RRBP1: variants seen among roughly 807,000 people sequenced by gnomAD.
RRBP1 encodes the protein ribosome binding protein 1.
A neutral mutation model predicts 165.2 loss-of-function variants in RRBP1; 94 were observed. The ratio of observed to expected loss-of-function variants is 0.57; its 90% CI spans 0.48 to 0.68. The LOEUF is 0.68. RRBP1 is among the 30% of genes least tolerant of loss of function. The pLI, the probability that RRBP1 is intolerant of heterozygous loss-of-function variation, is 0.00. For synonymous variants in RRBP1, 680 were observed against 714.5 expected, an observed-to-expected ratio of 0.95 and a Z score of 0.77; for missense variants, 1,676 against 1,763.0, an observed-to-expected ratio of 0.95 and a Z score of 0.88.
Position 17,627,576 on chromosome 20 carries a change from C to G in RRBP1, c.2856G>C (p.Gln952His). Residue 952 changes from glutamine to histidine, a missense_variant, in exon 10 of 25, where the codon CAG becomes CAC. This residue lies in a region of RRBP1 where 1,184 missense variants were observed against 1,167.1 expected (regional missense o/e 1.01). Coordinates refer to ENST00000377813, the MANE Select transcript of RRBP1 (RefSeq NM_001365613.2). Reference sequence around the variant, plus strand: ...CAATGGAACGGATTCTCTCTGTGAGCTGGGAGTTCTCCGCCCTGGCCTCCT... The same window carrying G: ...CAATGGAACGGATTCTCTCTGTGAGGTGGGAGTTCTCCGCCCTGGCCTCCT... ...QLQEARAENS[Q>H]LTERIRSIEA... The G allele has an allele frequency of 1.2e-6, 2 of 1,613,578 alleles. No individual in the cohort carries two copies. The highest frequency in any genetic ancestry group is 1.7e-6 in the Non-Finnish European group (2 of 1,179,958).
chr20:17,673,291 G>A (rs951950311), intron 2 of RRBP1, among the ~76,000 whole-genome samples: 2 of 152,202 alleles, frequency 1.3e-5, no homozygotes, highest in Non-Finnish European at 2.9e-5. Flanking sequence ...CAGACAGGAA[G>A]TAACTGAGGC....
Position 17,622,817 on chromosome 20 carries a change from CT to C in RRBP1, c.3148-871del. On this transcript the variant is annotated intron_variant, in intron 13 of 24. Coordinates refer to ENST00000377813, the MANE Select transcript of RRBP1 (RefSeq NM_001365613.2). Reference sequence around the variant, plus strand: ...CTGCCACCACCTGGACAGGCCTGGCCTAAGACCCAGGGAGGCCCCAGGAACT... The same window carrying C: ...CTGCCACCACCTGGACAGGCCTGGCCAAGACCCAGGGAGGCCCCAGGAACT... The C allele has an allele frequency of 2.0e-5, 3 of 152,364 alleles. No individual in the cohort carries two copies. The South Asian group carries it at 6.2e-4, about 32-fold the overall frequency. 9.4% of individuals were successfully genotyped at this position (152,364 alleles called of 1,614,324 possible). A position where few individuals can be genotyped will look rare whatever the true frequency, so the allele number is the denominator to read the frequency against.
In RRBP1 at chr20:17,641,868, T is replaced by C. The variant is rs1159609868; in HGVS notation, c.2113A>G (p.Lys705Glu). ...TGTTCTGTGGCCAGCAGTTTTTCCT[T>C]CTCTTCCAGCTGGCGTTTCAGAATC... ...VAILKRQLEE[K>E]EKLLATEQED... The change falls in exon 5 of 25, where the codon AAG becomes GAG. Residue 705 changes from lysine to glutamate, a missense_variant. Physicochemically the swap from Lys to Glu is moderately conservative, Grantham distance 56. Transcript: ENST00000377813. 1.9e-6 allele frequency: 3 copies of C among 1,614,078 alleles called. No individual in the cohort carries two copies. The highest frequency in any genetic ancestry group is 4.5e-5 in the East Asian group (2 of 44,880).
chr20:17,645,802 C>T (rs1165218783), intron 3 of RRBP1, among the ~76,000 whole-genome samples: 1 of 152,244 alleles, frequency 6.6e-6, no homozygotes, highest in African/African-American at 2.4e-5. Context: ...GTCTCTCAGA[C>T]TCAACACCTA....
chr20:17,633,337 G>T, intron 8 of RRBP1, 123 bp downstream of exon 8: 2 of 1,034,458 alleles, frequency 1.9e-6, no homozygotes, highest in Non-Finnish European at 2.8e-6. Flanking sequence ...ACCATCATCT[G>T]TCCCAGTCAA....
At chr20:17,622,446 C>T (rs996102920) in intron 13 of RRBP1, among the ~76,000 whole-genome samples, 10 of 151,966 alleles carry the variant, frequency 6.6e-5, no homozygotes, top group African/African-American at 1.9e-4. Context: ...GGCGGCACCA[C>T]GGTTAGGGGC....
chr20:17,614,922 CAGGA>C (rs752997930), intron 23 of RRBP1, 42 bp from the exon 24 acceptor site: 18 of 1,604,398 alleles, frequency 1.1e-5, no homozygotes, highest in Non-Finnish European at 1.3e-5. Context: ...CTTGCACCGG[CAGGA>C]GGGCCACCCC....
At chr20:17,680,969 G>A (rs1320296582) in intron 1 of RRBP1, among the ~76,000 whole-genome samples, 1 of 152,086 alleles carries the variant, frequency 6.6e-6, no homozygotes, top group African/African-American at 2.4e-5. Flanking sequence ...TCGCCAGCCG[G>A]GGCACTCTAG....
At chr20:17,627,948 A>T (rs778226308) in intron 9 of RRBP1, among the ~76,000 whole-genome samples, 2 of 152,184 alleles carry the variant, frequency 1.3e-5, no homozygotes, top group African/African-American at 4.8e-5. Flanking sequence ...AATGATAGAG[A>T]GTGGAAACGG....
At chr20:17,640,980 G>A (rs558424714) in intron 5 of RRBP1, among the ~76,000 whole-genome samples, 1 of 152,348 alleles carries the variant, frequency 6.6e-6, no homozygotes, top group African/African-American at 2.4e-5. Context: ...CAGGGAGGCA[G>A]GGAGAGGGCA....
chr20:17,639,076 T>C (rs895807510), intron 5 of RRBP1, among the ~76,000 whole-genome samples: 1 of 152,254 alleles, frequency 6.6e-6, no homozygotes, highest in African/African-American at 2.4e-5. Flanking sequence ...GTCCGAGGCA[T>C]GGCTTCAGGA....
At chr20:17,614,960 G>A (rs922423335) in intron 23 of RRBP1, 80 bp from the exon 24 acceptor site, 38 of 1,502,692 alleles carry the variant, frequency 2.5e-5, no homozygotes, top group African/African-American at 2.4e-4. Flanking sequence ...GGACCCTGAC[G>A]CCAGGGGCTG....
intron 3 of RRBP1, among the ~76,000 whole-genome samples, chr20:17,653,872 G>A (rs1292101147): frequency 6.7e-6 from 1 of 149,882 alleles, no homozygotes; most frequent in East Asian, 2.0e-4. Context: ...CTGGTCCCAA[G>A]GTGGACAGAA....
chr20:17,627,408 G>T (rs200585304), intron 10 of RRBP1, 26 bp from the exon 11 acceptor site: 3 of 1,613,532 alleles, frequency 1.9e-6, no homozygotes, highest in Non-Finnish European at 2.5e-6. Flanking sequence ...AAAGCTCCTT[G>T]GTCTCCAGGA....
chr20:17,614,317 G>A, intron 24 of RRBP1, 97 bp from the exon 25 acceptor site: 4 of 1,205,418 alleles, frequency 3.3e-6, no homozygotes, highest in Non-Finnish European at 4.8e-6. Flanking sequence ...TCCCTGGATT[G>A]ACCCCCTCAA....
At chr20:17,645,692 G>A (rs541318487) in intron 3 of RRBP1, among the ~76,000 whole-genome samples, 3 of 152,224 alleles carry the variant, frequency 2.0e-5, no homozygotes, top group Non-Finnish European at 2.9e-5. Context: ...ACGTACTAAC[G>A]GGAGCCTAAG....
chr20:17,648,898 T>A (rs1264674336), intron 3 of RRBP1, among the ~76,000 whole-genome samples: 1 of 152,174 alleles, frequency 6.6e-6, no homozygotes, highest in Non-Finnish European at 1.5e-5. Flanking sequence ...ATTAGGACTC[T>A]ACCTAATGCC....
rs2236255 is a variant in RRBP1, at chr20:17,641,784, A to G, written c.2184+13T>C. On this transcript the variant is annotated intron_variant, in intron 5 of 24. Transcript: ENST00000377813. Reference sequence around the variant, plus strand: ...GAGAGGACAAACCATCTCCGAGCCCACTCAGGCTGTACCTTGTTGAGCTCC... The same window carrying G: ...GAGAGGACAAACCATCTCCGAGCCCGCTCAGGCTGTACCTTGTTGAGCTCC... 270,588 of 1,611,370 alleles carry G rather than the reference A, an allele frequency of 0.17. 26,786 individuals carry two copies. The highest frequency in any genetic ancestry group is 0.43 in the East Asian group (19,388 of 44,830).
chr20:17,615,012 G>A (rs538357998), intron 23 of RRBP1, 132 bp from the exon 24 acceptor site: 48 of 996,114 alleles, frequency 4.8e-5, no homozygotes, highest in East Asian at 4.8e-4. Flanking sequence ...CTGGTCACCC[G>A]GAGATAGGTG....
Sources: allele counts gnomAD v4.1 joint callset (sites outside exome capture counted in the v4.1 genomes callset), GRCh38; gene constraint gnomAD v4.1.1; regional missense constraint gnomAD v4.1.1; transcripts MANE v1.5; gene names NCBI Gene and HGNC (gene_info 2026-07-23, HGNC 2026-07-21).